The following ACSL1 variants were observed in gnomAD, a reference collection of about 807,000 sequenced individuals.
The protein encoded by ACSL1 is acyl-CoA synthetase long chain family member 1.
ACSL1 carries 41 observed loss-of-function variants against 98.4 expected under a neutral mutation model. The observed-to-expected ratio is 0.42, with a 90% CI of 0.32 to 0.54. The LOEUF is 0.54. Ranked by LOEUF, ACSL1 falls within the 20% of genes least tolerant of loss-of-function variation. The probability of loss-of-function intolerance (pLI) is 0.13; values close to 1 mark genes in which losing one functional copy is unlikely to be tolerated. For missense variants in ACSL1, 734 were observed against 883.1 expected, an observed-to-expected ratio of 0.83 and a Z score of 2.14; for synonymous variants, 316 against 322.7, an observed-to-expected ratio of 0.98 and a Z score of 0.22.
chr4:184,764,252 T>A (rs894978394), intron 15 of ACSL1, among the ~76,000 whole-genome samples: 41 of 152,164 alleles, frequency 2.7e-4, no homozygotes, highest in African/African-American at 9.4e-4. Flanking sequence ...CAATCTATAA[T>A]TTCCTCTGAG....
Position 184,756,940 on chromosome 4 carries a change from G to T in ACSL1, c.*185C>A. The T allele has an allele frequency of 1.6e-6, 1 of 632,988 alleles. No individual in the cohort carries two copies. The highest frequency in any genetic ancestry group is 3.7e-5 in the South Asian group (1 of 27,144). 39.2% of individuals were successfully genotyped at this position (632,988 alleles called of 1,614,324 possible). ...TTACCATAAACATGGTCTGCAACAT[G>T]AGGTGACTGTAAGGCAGTGTTCTCT... On this transcript the variant is annotated 3_prime_UTR_variant, in exon 21 of 21. Transcript: ENST00000281455.
At chr4:184,775,602 A>G (rs1238297393) in intron 7 of ACSL1, among the ~76,000 whole-genome samples, 1 of 152,212 alleles carries the variant, frequency 6.6e-6, no homozygotes, top group African/African-American at 2.4e-5. Context: ...GGGCGCACAC[A>G]TGCACAAGAG....
chr4:184,777,969 A>G (rs1434478084), intron 5 of ACSL1, among the ~76,000 whole-genome samples: 4 of 152,346 alleles, frequency 2.6e-5, no homozygotes, highest in East Asian at 1.9e-4. Flanking sequence ...CCCCTCTGGC[A>G]GCAGGGCACT....
At position 184,776,866 on chromosome 4, in the gene ACSL1, C is replaced by A. The variant is rs1765370975; in HGVS notation, c.577+18G>T. 1 of 1,611,398 alleles carries A rather than the reference C, an allele frequency of 6.2e-7. No homozygotes were observed. ...CCAATAACTATGCCAATAATCCAGG[C>A]AAAGATCACAGACGTACCTTTGTTG... On this transcript the variant is annotated intron_variant, in intron 6 of 20. Coordinates refer to ENST00000281455, the MANE Select transcript of ACSL1 (RefSeq NM_001995.5).
chr4:184,764,294 T>C (rs1277907827), intron 15 of ACSL1, among the ~76,000 whole-genome samples: 1 of 152,190 alleles, frequency 6.6e-6, no homozygotes, highest in African/African-American at 2.4e-5. Context: ...AGGGACACTG[T>C]TGGGGTTACA....
At chr4:184,783,606 C>T (rs949081952) in intron 4 of ACSL1, among the ~76,000 whole-genome samples, 1 of 152,192 alleles carries the variant, frequency 6.6e-6, no homozygotes, top group African/African-American at 2.4e-5. Flanking sequence ...TCTAGTACCC[C>T]TCAAGTGGAG....
intron 1 of ACSL1, among the ~76,000 whole-genome samples, chr4:184,805,153 CAG>C: frequency 6.6e-6 from 1 of 152,274 alleles, no homozygotes; most frequent in Middle Eastern, 3.4e-3. Flanking sequence ...ATGCCACCAA[CAG>C]ACACGTGAAA....
chr4:184,815,895 T>C (rs1579968316), intron 1 of ACSL1, among the ~76,000 whole-genome samples: 1 of 151,904 alleles, frequency 6.6e-6, no homozygotes, highest in African/African-American at 2.4e-5. Flanking sequence ...CAGAGGTGGG[T>C]GGATCATCTG....
At position 184,757,339 on chromosome 4, in the gene ACSL1, A is replaced by G. The variant is rs1439212756; in HGVS notation, c.1957-74T>C. 3 of 1,524,212 alleles carry G rather than the reference A, an allele frequency of 2.0e-6. No individual in the cohort carries two copies. Among genetic ancestry groups the G allele is most frequent in the Non-Finnish European group, 2.7e-6 (3 of 1,129,334 alleles). The allele number at this position is 1,524,212 out of a possible 1,614,324, so 94.4% of individuals were successfully genotyped here. A position where few individuals can be genotyped will look rare whatever the true frequency, so the allele number is the denominator to read the frequency against. Reference sequence around the variant, plus strand: ...AGTCTCAAAAGCACGTAAGCCTTGGAGGGGATCAACACTCTCCAGCCATCC... The same window carrying G: ...AGTCTCAAAAGCACGTAAGCCTTGGGGGGGATCAACACTCTCCAGCCATCC... On this transcript the variant is annotated intron_variant, in intron 20 of 20. Coordinates refer to ENST00000281455, the MANE Select transcript of ACSL1 (RefSeq NM_001995.5). This position sits in a 1 kb window ranked among gnomAD's most constrained non-coding sequence, Gnocchi z 4.5.
intron 5 of ACSL1, among the ~76,000 whole-genome samples, chr4:184,779,843 G>A (rs184796081): frequency 1.3e-5 from 2 of 151,334 alleles, no homozygotes; most frequent in Non-Finnish European, 1.5e-5. Context: ...TCTTAAAGGC[G>A]ATTAAAAGGC....
At chr4:184,765,366 G>T in intron 14 of ACSL1, among the ~76,000 whole-genome samples, 1 of 152,206 alleles carries the variant, frequency 6.6e-6, no homozygotes, top group Admixed American at 6.5e-5. Flanking sequence ...TGATCCTAGA[G>T]AAAATTCAAC....
intron 2 of ACSL1, among the ~76,000 whole-genome samples, chr4:184,793,472 A>G (rs1768777422): frequency 6.6e-6 from 1 of 152,224 alleles, no homozygotes; most frequent in Admixed American, 6.5e-5. Flanking sequence ...CTCCTATTTA[A>G]GTGCAAAAGC....
At chr4:184,767,621 T>G (rs1290086021) in intron 12 of ACSL1, among the ~76,000 whole-genome samples, 2 of 152,242 alleles carry the variant, frequency 1.3e-5, no homozygotes, top group African/African-American at 4.8e-5. Flanking sequence ...AATTACACAC[T>G]TTAAATCAGC....
At chr4:184,770,718 T>TAA (rs1051895759) in intron 10 of ACSL1, among the ~76,000 whole-genome samples, 2 of 147,960 alleles carry the variant, frequency 1.4e-5, no homozygotes, top group African/African-American at 5.0e-5. Flanking sequence ...ATAATAAAAT[T>TAA]AAAAAAAAAA....
rs374205904 is a variant in ACSL1, at chr4:184,776,902, T to G, written c.559A>C (p.Thr187Pro). The G allele has an allele frequency of 6.2e-7, 1 of 1,614,198 alleles. No individual in the cohort carries two copies. Among genetic ancestry groups the G allele is most frequent in the Non-Finnish European group, 8.5e-7 (1 of 1,180,002 alleles). ...LYDTLGNEAI[T>P]YIVNKAELSL... ...GACGTACCTTTGTTGACTATGTACG[T>G]GATGGCTTCATTTCCAAGGGTATCA... The change falls in exon 6 of 21, where the codon ACG becomes CCG. Residue 187 changes from threonine to proline, a missense_variant. Thr to Pro is a conservative substitution (Grantham distance 38). Transcript: ENST00000281455.
chr4:184,760,163 T>A (rs1194924774), intron 18 of ACSL1, among the ~76,000 whole-genome samples, 194 bp downstream of exon 18: 2 of 152,032 alleles, frequency 1.3e-5, no homozygotes, highest in Admixed American at 6.6e-5. Context: ...AATGTGGAAA[T>A]TAAAGAGAAC....
chr4:184,767,278 T>C (rs1451049373), intron 12 of ACSL1, among the ~76,000 whole-genome samples: 1 of 129,062 alleles, frequency 7.7e-6, no homozygotes, highest in African/African-American at 2.9e-5. Context: ...AGAGAGACCC[T>C]GTCTCAAAAA....
At chr4:184,768,058 A>G in intron 12 of ACSL1, 1 of 477,488 alleles carries the variant, frequency 2.1e-6, no homozygotes, top group Non-Finnish European at 3.6e-6. Flanking sequence ...TATTGTAAAA[A>G]TAAAATGACC....
At chr4:184,800,976 C>T (rs1770410179) in intron 2 of ACSL1, among the ~76,000 whole-genome samples, 1 of 152,156 alleles carries the variant, frequency 6.6e-6, no homozygotes, top group Non-Finnish European at 1.5e-5. Flanking sequence ...CTTCAGTCTC[C>T]CGAGTAGCTG....
Sources: gnomAD v4.1 joint callset for allele counts (sites outside exome capture counted in the v4.1 genomes callset) on GRCh38, gnomAD v4.1.1 for gene constraint, Gnocchi (gnomAD v3.1) non-coding constraint, MANE v1.5 for transcripts, NCBI Gene and HGNC (gene_info 2026-07-23, HGNC 2026-07-21) for gene names.